The following LDLRAD3 variants were observed in gnomAD, a reference collection of about 807,000 sequenced individuals.
The protein encoded by LDLRAD3 is low density lipoprotein receptor class A domain containing 3.
Under a neutral mutation model 29.4 loss-of-function variants are expected in LDLRAD3, and 20 were observed. The observed-to-expected ratio is 0.68, with a 90% CI of 0.48 to 0.99. The LOEUF is 0.99. Ranked by LOEUF, LDLRAD3 falls within the 50% of genes least tolerant of loss-of-function variation. LDLRAD3 has a pLI of 0.00. For missense variants in LDLRAD3, 420 were observed against 454.3 expected (o/e 0.92, Z 0.69); for synonymous variants, 157 against 192.7 (o/e 0.81, Z 1.53).
intron 4 of LDLRAD3, among the ~76,000 whole-genome samples, chr11:36,166,470 C>CA (rs1388218955): frequency 6.6e-6 from 1 of 152,162 alleles, no homozygotes; most frequent in Non-Finnish European, 1.5e-5. Flanking sequence ...TGTTAGAAAA[C>CA]CTCTGTTACA....
intron 4 of LDLRAD3, among the ~76,000 whole-genome samples, chr11:36,136,534 C>T (rs11828868): frequency 0.18 from 27,028 of 151,820 alleles, 2,499 homozygotes; most frequent in East Asian, 0.29. Flanking sequence ...TGGCACCTCC[C>T]GCCAGACTCT....
intron 4 of LDLRAD3, among the ~76,000 whole-genome samples, chr11:36,116,681 AAT>A (rs1326695340): frequency 6.6e-6 from 1 of 151,330 alleles, no homozygotes; most frequent in Non-Finnish European, 1.5e-5. Context: ...AAAAATAAAA[AAT>A]AAAAAAATAA....
At chr11:36,147,257 A>G (rs1725455378) in intron 4 of LDLRAD3, among the ~76,000 whole-genome samples, 1 of 151,346 alleles carries the variant, frequency 6.6e-6, no homozygotes, top group Non-Finnish European at 1.5e-5. Flanking sequence ...AGCTAGGACT[A>G]CAGGCACCCA....
At chr11:36,069,050 T>C (rs1383291590) in intron 2 of LDLRAD3, among the ~76,000 whole-genome samples, 2 of 152,204 alleles carry the variant, frequency 1.3e-5, no homozygotes, top group Non-Finnish European at 2.9e-5. Flanking sequence ...AATATGTTAT[T>C]TTAGGAAGAA....
intron 4 of LDLRAD3, among the ~76,000 whole-genome samples, chr11:36,216,859 C>A (rs1855359425): frequency 6.6e-6 from 1 of 152,118 alleles, no homozygotes; most frequent in Non-Finnish European, 1.5e-5. Context: ...GAAAGGGACC[C>A]CATTGCAAGA....
chr11:36,227,500 A>G, intron 5 of LDLRAD3, 70 bp downstream of exon 5: 1 of 1,192,006 alleles, frequency 8.4e-7, no homozygotes, highest in Non-Finnish European at 1.2e-6. Flanking sequence ...AGGTGCACAC[A>G]CTGAGGTTCT....
At chr11:35,946,458 A>AT (rs199691555) in intron 1 of LDLRAD3, among the ~76,000 whole-genome samples, 1 of 151,946 alleles carries the variant, frequency 6.6e-6, no homozygotes, top group South Asian at 2.1e-4. Context: ...CACCTTGCAT[A>AT]TTTTTTTCTT....
intron 3 of LDLRAD3, among the ~76,000 whole-genome samples, chr11:36,086,372 T>G (rs1217497573): frequency 6.6e-6 from 1 of 152,010 alleles, no homozygotes; most frequent in Non-Finnish European, 1.5e-5. Context: ...GGGTCTTATT[T>G]GAAGCCTAGC....
Position 36,209,353 on chromosome 11 carries a change from C to CTTTT in LDLRAD3, c.455-17711_455-17708dup, listed in dbSNP as rs71044560. Among the ~76,000 whole-genome samples, 229 of 68,602 alleles carry CTTTT rather than the reference C, an allele frequency of 3.3e-3. 4 individuals carry two copies. Among genetic ancestry groups the CTTTT allele is most frequent in the East Asian group, 6.9e-3 (16 of 2,312 alleles). The allele number at this position is 68,602 out of a possible 152,430, so 45.0% of individuals were successfully genotyped here. On this transcript the variant is annotated intron_variant, in intron 4 of 5. Coordinates refer to ENST00000315571, the MANE Select transcript of LDLRAD3 (RefSeq NM_174902.4). ...AGATGAAGGATTTGCAGAAACTGTA[C>CTTTT]TTTTTTTTTTTTTTTTTTTTTTTTG...
chr11:36,019,961 C>G (rs1852074918), intron 1 of LDLRAD3, among the ~76,000 whole-genome samples: 1 of 152,140 alleles, frequency 6.6e-6, no homozygotes, highest in Non-Finnish European at 1.5e-5. Flanking sequence ...TGTGTCTGAC[C>G]TTGATTCCCT....
chr11:36,038,194 C>A (rs532993419), intron 2 of LDLRAD3, among the ~76,000 whole-genome samples: 1 of 152,308 alleles, frequency 6.6e-6, no homozygotes, highest in African/African-American at 2.4e-5. Context: ...TGTGAGCCAC[C>A]AAGCCCGGCC....
chr11:36,192,470 A>G (rs1337060804), intron 4 of LDLRAD3, among the ~76,000 whole-genome samples: 4 of 152,164 alleles, frequency 2.6e-5, no homozygotes, highest in African/African-American at 4.8e-5. Flanking sequence ...AATTCTGAGC[A>G]TTTTGGTCTA....
chr11:36,187,497 T>C (rs1043782542), intron 4 of LDLRAD3, among the ~76,000 whole-genome samples: 7 of 152,216 alleles, frequency 4.6e-5, no homozygotes, highest in African/African-American at 1.7e-4. Flanking sequence ...CCATTCTTTT[T>C]CAGTGGCTAT....
chr11:36,053,890 A>G lies in LDLRAD3; in HGVS notation c.193+17641A>G, dbSNP rs527974973. 2.6e-4 allele frequency among the ~76,000 whole-genome samples: 40 copies of G among 152,168 alleles called. No individual in the cohort carries two copies. In the East Asian group the frequency reaches 6.9e-3, roughly 26 times the overall value. On this transcript the variant is annotated intron_variant, in intron 2 of 5. Transcript: ENST00000315571. ...TCTTATAAGGAGTCACCCTAATGCT[A>G]GCAGTTAGCTATGCCCACAGACAAG...
chr11:36,041,345 G>C (rs1187419092), intron 2 of LDLRAD3, among the ~76,000 whole-genome samples: 1 of 152,186 alleles, frequency 6.6e-6, no homozygotes, highest in Non-Finnish European at 1.5e-5. Flanking sequence ...ATTACATGGA[G>C]CTTGCCTGTT....
intron 3 of LDLRAD3, among the ~76,000 whole-genome samples, chr11:36,083,779 CA>C (rs765984695): frequency 0.056 from 4,036 of 71,922 alleles, 61 homozygotes; most frequent in South Asian, 0.11. Flanking sequence ...CACACACACA[CA>C]CCCCAGAATA....
chr11:36,148,872 A>C (rs1323269820), intron 4 of LDLRAD3, among the ~76,000 whole-genome samples: 1 of 152,232 alleles, frequency 6.6e-6, no homozygotes, highest in Non-Finnish European at 1.5e-5. Context: ...AATTGAAGTA[A>C]CATTTCAGTT....
chr11:35,967,734 A>G (rs1193372413), intron 1 of LDLRAD3: 1 of 475,352 alleles, frequency 2.1e-6, no homozygotes, highest in Non-Finnish European at 4.3e-6. Flanking sequence ...AGTTCAAGGG[A>G]AATCTGTAGA....
At chr11:36,202,701 A>G (rs537932492) in intron 4 of LDLRAD3, among the ~76,000 whole-genome samples, 149 of 152,270 alleles carry the variant, frequency 9.8e-4, no homozygotes, top group African/African-American at 3.5e-3. Flanking sequence ...ATAAGTCCCC[A>G]GTTTAGGCTG....
Sources: allele counts gnomAD v4.1 joint callset (sites outside exome capture counted in the v4.1 genomes callset), GRCh38; gene constraint gnomAD v4.1.1; transcripts MANE v1.5; gene names NCBI Gene and HGNC (gene_info 2026-07-23, HGNC 2026-07-21).